The following GATAD1 variants were observed in gnomAD, a reference collection of about 807,000 sequenced individuals.
GATAD1 encodes GATA zinc finger domain-containing protein 1.
Under a neutral mutation model 26.5 loss-of-function variants are expected in GATAD1, and 12 were observed. The observed-to-expected ratio is 0.45, with a 90% CI of 0.29 to 0.73. The LOEUF (loss-of-function observed/expected upper bound fraction) is 0.73, where lower values mean the gene tolerates loss of function less well. Ranked by LOEUF, GATAD1 falls within the 30% of genes least tolerant of loss-of-function variation. GATAD1 has a pLI of 0.10. For missense variants in GATAD1, 266 were observed against 342.1 expected (o/e 0.78, Z 1.75); for synonymous variants, 129 against 133.1 (o/e 0.97, Z 0.21).
the GATAD1 span, chr7:92,489,876 A>G: frequency 6.2e-7 from 1 of 1,613,968 alleles, no homozygotes; most frequent in Non-Finnish European, 8.5e-7. Context: ...GCAAATCCTG[A>G]GTCATGGAGC....
At chr7:92,492,841 T>C in the GATAD1 span, 268 of 831,276 alleles carry the variant, frequency 3.2e-4, 1 homozygote, top group Non-Finnish European at 3.1e-4. Context: ...TATGTTTCTA[T>C]ACAGTTTTAC....
At position 92,447,574 on chromosome 7, in the gene GATAD1, A is replaced by C; in HGVS notation, c.-156A>C. ...AACCCGCTTCCCGCCTCCACGGGGC[A>C]GCGCCAGCGGCCTGGTCCTTTCACC... On this transcript the variant is annotated 5_prime_UTR_variant, in exon 1 of 5. Transcript: ENST00000287957. 1.0e-6 allele frequency: 1 copy of C among 989,094 alleles called. No homozygotes were observed. Among genetic ancestry groups the C allele is most frequent in the Non-Finnish European group, 1.3e-6 (1 of 754,284 alleles). The allele number at this position is 989,094 out of a possible 1,614,324, so 61.3% of individuals were successfully genotyped here.
the GATAD1 span, among the ~76,000 whole-genome samples, chr7:92,492,533 T>A: frequency 1.3e-5 from 2 of 152,128 alleles, no homozygotes; most frequent in Admixed American, 1.3e-4. Context: ...GTCATAAAGA[T>A]ACAGGAGCCA....
At chr7:92,460,427 AGAAG>A (rs367585533), downstream of GATAD1, among the ~76,000 whole-genome samples, 133 of 152,296 alleles carry the variant, frequency 8.7e-4, 2 homozygotes, top group African/African-American at 3.1e-3. Flanking sequence ...CTGTGCCAAG[AGAAG>A]GAACCCAAAT....
At chr7:92,494,074 A>G in the GATAD1 span, 1 of 526,804 alleles carries the variant, frequency 1.9e-6, no homozygotes, top group South Asian at 2.1e-5. Context: ...CAATCAGCCA[A>G]CACAGAAGGA....
the GATAD1 span, among the ~76,000 whole-genome samples, chr7:92,485,386 A>ATTCT: frequency 3.7e-3 from 564 of 152,260 alleles, 2 homozygotes; most frequent in African/African-American, 0.013. Context: ...ATCCTACTTG[A>ATTCT]TTCTTACAAT....
chr7:92,469,939 C>T, the GATAD1 span: 1 of 778,054 alleles, frequency 1.3e-6, no homozygotes, highest in South Asian at 1.3e-5. Flanking sequence ...GAGATCTAGT[C>T]CTTTGTAGGG....
downstream of GATAD1, chr7:92,463,140 C>T (rs1789982364): frequency 6.6e-6 from 1 of 152,128 alleles, no homozygotes; most frequent in African/African-American, 2.4e-5. Context: ...CTTAAAAGGA[C>T]AAATATTGTA....
At chr7:92,475,597 C>G in the GATAD1 span, among the ~76,000 whole-genome samples, 3 of 151,776 alleles carry the variant, frequency 2.0e-5, no homozygotes, top group Non-Finnish European at 4.4e-5. Context: ...GGGTGCGTAA[C>G]CACCCATGGA....
At chr7:92,460,747 G>T (rs1484374205), downstream of GATAD1, among the ~76,000 whole-genome samples, 1 of 141,180 alleles carries the variant, frequency 7.1e-6, no homozygotes, top group Non-Finnish European at 1.5e-5. Context: ...CACCACTCCA[G>T]CCTGGGTGAT....
the GATAD1 span, among the ~76,000 whole-genome samples, chr7:92,486,538 G>GTCTT: frequency 1.3e-5 from 2 of 152,162 alleles, no homozygotes; most frequent in African/African-American, 4.8e-5. Flanking sequence ...GATCCACTAA[G>GTCTT]TCTTTGTTTC....
the GATAD1 span, among the ~76,000 whole-genome samples, chr7:92,478,328 GACTCAGTAATTC>G: frequency 6.6e-6 from 1 of 152,194 alleles, no homozygotes; most frequent in African/African-American, 2.4e-5. Flanking sequence ...AAGATCATGT[GACTCAGTAATTC>G]ACTCTCCAGA....
At position 92,447,538 on chromosome 7, in the gene GATAD1, G is replaced by T; in HGVS notation, c.-192G>T. 5.1e-6 allele frequency: 3 copies of T among 588,970 alleles called. No individual in the cohort carries two copies. Among genetic ancestry groups the T allele is most frequent in the Non-Finnish European group, 7.5e-6 (3 of 400,016 alleles). The allele number at this position is 588,970 out of a possible 1,614,324, so 36.5% of individuals were successfully genotyped here. ...CCAGGGAATCCTGGCCTCCGCCTGC[G>T]GAGCCGGCGGAACCCGCTTCCCGCC... On this transcript the variant is annotated 5_prime_UTR_variant, in exon 1 of 5. Coordinates refer to ENST00000287957, the MANE Select transcript of GATAD1 (RefSeq NM_021167.5).
the GATAD1 span, among the ~76,000 whole-genome samples, chr7:92,479,396 G>A: frequency 3.4e-3 from 524 of 152,286 alleles, 2 homozygotes; most frequent in Middle Eastern, 6.8e-3. Context: ...TTTGAGCCAG[G>A]AGAAGGAATT....
downstream of GATAD1, among the ~76,000 whole-genome samples, chr7:92,464,759 C>T (rs1247443928): frequency 1.3e-5 from 2 of 152,254 alleles, no homozygotes; most frequent in South Asian, 2.1e-4. Flanking sequence ...GCAAAGGCAT[C>T]GTTTTTCAGA....
the GATAD1 span, among the ~76,000 whole-genome samples, chr7:92,474,437 T>C: frequency 8.5e-5 from 13 of 152,244 alleles, no homozygotes; most frequent in South Asian, 2.1e-4. Flanking sequence ...GTGGACATCA[T>C]TGAGTAATTC....
At chr7:92,465,226 A>G in the GATAD1 span, 2 of 152,236 alleles carry the variant, frequency 1.3e-5, no homozygotes, top group South Asian at 4.1e-4. Flanking sequence ...ACTAGGTCCA[A>G]AGAATCTAAT....
chr7:92,468,005 A>G, the GATAD1 span, among the ~76,000 whole-genome samples: 1 of 152,116 alleles, frequency 6.6e-6, no homozygotes, highest in African/African-American at 2.4e-5. Context: ...AGAGCTCCCA[A>G]GATGGTGGCA....
At chr7:92,487,502 T>C in the GATAD1 span, 1 of 1,596,332 alleles carries the variant, frequency 6.3e-7, no homozygotes, top group Non-Finnish European at 8.6e-7. Flanking sequence ...TTGTTCCACT[T>C]TGATTTTTTC....
Sources: allele counts gnomAD v4.1 joint callset (sites outside exome capture counted in the v4.1 genomes callset), GRCh38; gene constraint gnomAD v4.1.1; transcripts MANE v1.5; gene names NCBI Gene and HGNC (gene_info 2026-07-23, HGNC 2026-07-21).